Variants in TANC1 observed in about 807,000 individuals in gnomAD.
The protein encoded by TANC1 is tetratricopeptide repeat, ankyrin repeat and coiled-coil containing 1, also known as protein TANC1.
Under a neutral mutation model 149.7 loss-of-function variants are expected in TANC1, and 77 were observed. The ratio of observed to expected loss-of-function variants is 0.51; its 90% confidence interval spans 0.43 to 0.62. The LOEUF (loss-of-function observed/expected upper bound fraction) is 0.62, where lower values mean the gene tolerates loss of function less well. TANC1 is among the 20% of genes least tolerant of loss of function. The pLI is 0.00. For synonymous variants in TANC1, 854 were observed against 925.0 expected (o/e 0.92, Z 1.39); for missense variants, 1,985 against 2,321.8 (o/e 0.85, Z 2.98).
chr2:159,072,888 A>C (rs1233676345), intron 3 of TANC1, among the ~76,000 whole-genome samples: 1 of 152,176 alleles, frequency 6.6e-6, no homozygotes, highest in Non-Finnish European at 1.5e-5. Flanking sequence ...ATATTCTGGC[A>C]TCTCCTCTGG....
chr2:158,985,607 C>T (rs1442147151), intron 1 of TANC1, among the ~76,000 whole-genome samples: 4 of 152,096 alleles, frequency 2.6e-5, no homozygotes, highest in Non-Finnish European at 5.9e-5. Flanking sequence ...AGGGGATTTC[C>T]TTATTTTTGC....
chr2:159,195,609 G>C (rs1254917748), intron 17 of TANC1, among the ~76,000 whole-genome samples: 1 of 152,232 alleles, frequency 6.6e-6, no homozygotes, highest in Admixed American at 6.5e-5. Context: ...AGCTGTGGGA[G>C]ATTTATTTTT....
intron 3 of TANC1, among the ~76,000 whole-genome samples, chr2:159,070,646 G>A (rs1482613369): frequency 1.3e-5 from 2 of 152,208 alleles, no homozygotes; most frequent in Admixed American, 6.5e-5. Flanking sequence ...TGTGAGGCAG[G>A]TGCATATAAA....
intron 14 of TANC1, 59 bp downstream of exon 14, chr2:159,179,222 G>C: frequency 6.5e-7 from 1 of 1,545,898 alleles, no homozygotes; most frequent in Non-Finnish European, 8.7e-7. Flanking sequence ...GTTGGGGAAA[G>C]GATTTAAATG....
chr2:159,024,532 C>T (rs908895511), intron 2 of TANC1, among the ~76,000 whole-genome samples: 63 of 152,164 alleles, frequency 4.1e-4, no homozygotes, highest in African/African-American at 1.5e-3. Context: ...AGGCGGATCA[C>T]TTGAGATCAG....
intron 5 of TANC1, among the ~76,000 whole-genome samples, chr2:159,147,187 T>A (rs1371979489): frequency 6.6e-6 from 1 of 152,138 alleles, no homozygotes; most frequent in African/African-American, 2.4e-5. Flanking sequence ...GAGTCATTTC[T>A]GGCTCTCTAC....
intron 1 of TANC1, among the ~76,000 whole-genome samples, chr2:158,994,585 T>G (rs2035969421): frequency 6.6e-6 from 1 of 152,208 alleles, no homozygotes; most frequent in African/African-American, 2.4e-5. Flanking sequence ...TGATATATTT[T>G]AAGAGTACAA....
chr2:159,118,939 A>ACAAACAG (rs1270997465), intron 4 of TANC1, among the ~76,000 whole-genome samples: 1 of 152,220 alleles, frequency 6.6e-6, no homozygotes, highest in Non-Finnish European at 1.5e-5. Context: ...GACTGGGTAC[A>ACAAACAG]CAAACAGCAG....
Position 159,065,793 on chromosome 2 carries a change from C to T in TANC1, c.-15-103C>T, listed in dbSNP as rs2042604125. 2.6e-5 allele frequency: 21 copies of T among 810,966 alleles called. No individual in the cohort carries two copies. The South Asian group carries it at 2.6e-4, about 10-fold the overall frequency. 50.2% of individuals were successfully genotyped at this position (810,966 alleles called of 1,614,324 possible). A position where few individuals can be genotyped will look rare whatever the true frequency, so the allele number is the denominator to read the frequency against. ...AGGCTTAGGGTACCTTAATATTAAG[C>T]GGTCTGTTTGTTTGAACACAAGTTA... is the stretch of plus-strand genomic sequence containing the variant. On this transcript the variant is annotated intron_variant, in intron 2 of 26. Coordinates refer to ENST00000263635, the MANE Select transcript of TANC1 (RefSeq NM_033394.3).
chr2:159,198,975 G>A lies in TANC1; in HGVS notation c.3166G>A (p.Val1056Met), dbSNP rs756407073. The A allele has an allele frequency of 5.0e-6, 8 of 1,613,290 alleles. No individual in the cohort carries two copies. Among genetic ancestry groups the A allele is most frequent in the South Asian group, 3.3e-5 (3 of 91,044 alleles). The stretch of plus-strand genomic sequence containing the variant: ...TAAATCACCTTGCCACTTCTGACAG[G>A]TGGTCCAGTGCTTGCTGGGGATGGA... ...TAAASMGHSS[V>M]VQCLLGMEKE... The change falls in exon 19 of 27, where the codon GTG becomes ATG. Residue 1056 changes from valine to methionine, a missense_variant and splice_region_variant. Val to Met is a conservative substitution (Grantham distance 21). This residue lies in a region of TANC1 where 508 missense variants were observed against 714.2 expected (regional missense o/e 0.71). Transcript: ENST00000263635.
At chr2:159,078,907 G>A (rs1161980162) in intron 3 of TANC1, among the ~76,000 whole-genome samples, 3 of 151,916 alleles carry the variant, frequency 2.0e-5, no homozygotes, top group Non-Finnish European at 4.4e-5. Flanking sequence ...AATTATGAGG[G>A]TTAAATATTT....
At chr2:159,172,014 C>A in intron 10 of TANC1, 107 bp from the exon 11 acceptor site, 1 of 1,134,676 alleles carries the variant, frequency 8.8e-7, no homozygotes, top group Non-Finnish European at 1.3e-6. Flanking sequence ...GGACCATGTT[C>A]ACTCCTTGCT....
chr2:159,128,801 A>AG (rs1238526752), intron 4 of TANC1, among the ~76,000 whole-genome samples: 1 of 152,162 alleles, frequency 6.6e-6, no homozygotes, highest in Non-Finnish European at 1.5e-5. Flanking sequence ...GCAGGGGAAG[A>AG]GGGGTCAAAC....
chr2:159,222,276 C>G (rs2150954247), intron 22 of TANC1, among the ~76,000 whole-genome samples: 1 of 152,256 alleles, frequency 6.6e-6, no homozygotes, highest in South Asian at 2.1e-4. Context: ...ATAAAATTTA[C>G]CCTTAATCAT....
intron 4 of TANC1, among the ~76,000 whole-genome samples, chr2:159,118,097 C>T (rs1229620514): frequency 1.3e-5 from 2 of 152,152 alleles, no homozygotes; most frequent in Non-Finnish European, 2.9e-5. Flanking sequence ...CTTCTGCTCC[C>T]ATCTTTTGAT....
chr2:159,196,223 G>A (rs2057837624), intron 17 of TANC1, among the ~76,000 whole-genome samples: 1 of 152,264 alleles, frequency 6.6e-6, no homozygotes, highest in Middle Eastern at 3.4e-3. Context: ...TCAAATTATA[G>A]CTTGTCACAG....
chr2:159,078,038 C>CA (rs913082624), intron 3 of TANC1, among the ~76,000 whole-genome samples: 4 of 152,278 alleles, frequency 2.6e-5, no homozygotes, highest in Admixed American at 6.5e-5. Flanking sequence ...AGAATGAACT[C>CA]AAACACATTT....
chr2:159,002,278 C>T (rs531403335), intron 2 of TANC1, among the ~76,000 whole-genome samples: 19 of 152,166 alleles, frequency 1.2e-4, no homozygotes, highest in Middle Eastern at 3.4e-3. Flanking sequence ...CTGGCCTGCC[C>T]GAGGGGACCC....
intron 13 of TANC1, among the ~76,000 whole-genome samples, chr2:159,178,135 T>A (rs1178377355): frequency 1.3e-5 from 2 of 152,272 alleles, no homozygotes; most frequent in African/African-American, 4.8e-5. Flanking sequence ...GTCTTTTATC[T>A]TGGCGTCTGG....
Sources: gnomAD v4.1 joint callset for allele counts (sites outside exome capture counted in the v4.1 genomes callset) on GRCh38, gnomAD v4.1.1 for gene constraint, gnomAD v4.1.1 regional missense constraint, MANE v1.5 for transcripts, NCBI Gene and HGNC (gene_info 2026-07-23, HGNC 2026-07-21) for gene names.